Variants in GLRA2 observed in about 807,000 individuals in gnomAD.
The protein encoded by GLRA2 is glycine receptor subunit alpha-2.
GLRA2 carries 11 observed loss-of-function variants against 31.6 expected under a neutral mutation model. That is an observed-to-expected ratio of 0.35 (90% CI 0.22 to 0.58). The LOEUF (loss-of-function observed/expected upper bound fraction) is 0.58. Ranked by LOEUF, GLRA2 falls within the 20% of genes least tolerant of loss-of-function variation. The probability of loss-of-function intolerance (pLI) is 0.84; values close to 1 mark genes in which losing one functional copy is unlikely to be tolerated. For synonymous variants in GLRA2, 132 were observed against 134.0 expected (o/e 0.99, Z 0.10); for missense variants, 212 against 351.8 (o/e 0.60, Z 3.18).
the GLRA2 span, among the ~76,000 whole-genome samples, chrX:14,510,892 C>T: frequency 9.0e-6 from 1 of 110,965 alleles, no homozygotes; most frequent in Non-Finnish European, 1.9e-5. Flanking sequence ...ACATTCATCC[C>T]TCCTTTATAA....
intron 7 of GLRA2, among the ~76,000 whole-genome samples, chrX:14,680,240 T>C (rs189021002): frequency 7.6e-4 from 85 of 112,201 alleles, no homozygotes; most frequent in African/African-American, 2.7e-3. Flanking sequence ...AAATATAATC[T>C]GGGAAGTCCT....
intron 2 of GLRA2, among the ~76,000 whole-genome samples, chrX:14,540,272 A>T (rs1040846464): frequency 4.5e-5 from 5 of 111,454 alleles, no homozygotes; most frequent in Non-Finnish European, 9.4e-5. Flanking sequence ...CTATCAACAG[A>T]ACTGAAGAAG....
the GLRA2 span, among the ~76,000 whole-genome samples, chrX:14,518,771 G>C: frequency 1.0e-4 from 11 of 108,333 alleles, no homozygotes; most frequent in South Asian, 1.7e-3. Context: ...AGCACTTTGG[G>C]AGGCCACGGC....
chrX:14,497,139 T>C, the GLRA2 span, among the ~76,000 whole-genome samples: 1 of 111,406 alleles, frequency 9.0e-6, no homozygotes, highest in East Asian at 2.8e-4. Flanking sequence ...AGAGGAAAAA[T>C]AAAGTATAGG....
intron 7 of GLRA2, among the ~76,000 whole-genome samples, chrX:14,645,754 A>G (rs998148146): frequency 4.5e-5 from 5 of 112,007 alleles, no homozygotes; most frequent in Non-Finnish European, 9.4e-5. Flanking sequence ...AGTGAGATAG[A>G]TGTGCCTTGA....
chrX:14,701,705 A>AAAAC (rs1453834903), intron 8 of GLRA2, among the ~76,000 whole-genome samples: 2 of 112,969 alleles, frequency 1.8e-5, no homozygotes, highest in African/African-American at 3.2e-5. Flanking sequence ...TATTTGCAAT[A>AAAAC]AAACAGTTAA....
the GLRA2 span, among the ~76,000 whole-genome samples, chrX:14,503,104 G>A: frequency 9.0e-6 from 1 of 111,040 alleles, no homozygotes; most frequent in African/African-American, 3.3e-5. Flanking sequence ...AATAACTTTT[G>A]GCAAGTAAGT....
At chrX:14,632,731 A>G (rs1207102557) in intron 7 of GLRA2, among the ~76,000 whole-genome samples, 1 of 111,515 alleles carries the variant, frequency 9.0e-6, no homozygotes, top group Admixed American at 9.6e-5. Flanking sequence ...CTACATGTCA[A>G]CGAACCATTT....
intron 7 of GLRA2, among the ~76,000 whole-genome samples, chrX:14,684,815 C>T (rs968192729): frequency 9.0e-6 from 1 of 111,246 alleles, no homozygotes; most frequent in Non-Finnish European, 1.9e-5. Context: ...ATTTCCTTCT[C>T]CTGCCTGATT....
intron 7 of GLRA2, among the ~76,000 whole-genome samples, chrX:14,618,386 T>C (rs2090477404): frequency 8.9e-6 from 1 of 112,056 alleles, no homozygotes; most frequent in South Asian, 3.7e-4. Flanking sequence ...TGTGTTTGTA[T>C]ACATGCATGA....
intron 7 of GLRA2, among the ~76,000 whole-genome samples, chrX:14,653,318 A>G (rs1013821368): frequency 1.8e-5 from 2 of 112,089 alleles, no homozygotes; most frequent in Non-Finnish European, 3.8e-5. Context: ...CCTTCTGGAA[A>G]GGATTTACCA....
the GLRA2 span, among the ~76,000 whole-genome samples, chrX:14,518,655 A>ATGTGTGTGTGTG: frequency 1.8e-5 from 2 of 108,132 alleles, no homozygotes; most frequent in Admixed American, 9.9e-5. Flanking sequence ...GTGTGTGTGT[A>ATGTGTGTGTGTG]TGTGTGTGTG....
the GLRA2 span, among the ~76,000 whole-genome samples, chrX:14,461,100 C>A: frequency 8.9e-5 from 10 of 112,011 alleles, no homozygotes; most frequent in African/African-American, 2.9e-4. Flanking sequence ...TTATTTCTGC[C>A]TTCATTTCAT....
the GLRA2 span, among the ~76,000 whole-genome samples, chrX:14,483,941 T>A: frequency 1.8e-5 from 2 of 111,239 alleles, no homozygotes; most frequent in Admixed American, 9.6e-5. Context: ...CCTCCCAGCC[T>A]ACATCTTTCT....
chrX:14,560,797 CAAAAAA>C lies in GLRA2; in HGVS notation c.203-13516_203-13511del, dbSNP rs760583127. 2.2e-4 allele frequency among the ~76,000 whole-genome samples: 9 copies of C among 41,245 alleles called. No individual in the cohort carries two copies. In the East Asian group the frequency reaches 3.1e-3, roughly 14 times the overall value. The allele number at this position is 41,245 out of a possible 115,157, so 35.8% of individuals were successfully genotyped here. A position where few individuals can be genotyped will look rare whatever the true frequency, so the allele number is the denominator to read the frequency against. ...TGGGGGACAGAGAGAGACCCTGTCT[CAAAAAA>C]AAAAAAAAAAAAAAAAAAAGAATAA... On this transcript the variant is annotated intron_variant, in intron 2 of 8. Coordinates refer to ENST00000218075, the MANE Select transcript of GLRA2 (RefSeq NM_002063.4).
In GLRA2 at chrX:14,600,569, TTGTTTA is replaced by T. The variant is rs1185150308; in HGVS notation, c.495-3737_495-3732del. ...TGAATTGTAAATGGACAAATTATAGTTGTTTATGTTTATGGGGCACAAAGTGATGTT... is the reference window on the plus strand; with the variant it reads ...TGAATTGTAAATGGACAAATTATAGTTGTTTATGGGGCACAAAGTGATGTT... On this transcript the variant is annotated intron_variant, in intron 4 of 8. Transcript: ENST00000218075. Among the ~76,000 whole-genome samples the T allele has an allele frequency of 7.6e-4, 84 of 111,078 alleles. 1 individual carries two copies. The highest frequency in any genetic ancestry group is 2.6e-3 in the African/African-American group (81 of 30,722).
In GLRA2 at chrX:14,724,626, C is replaced by CAAAAAAAAAAA. The variant is rs758722703; in HGVS notation, c.1081-5565_1081-5555dup. 3.7e-3 allele frequency among the ~76,000 whole-genome samples: 185 copies of CAAAAAAAAAAA among 49,565 alleles called. 6 individuals carry two copies. The highest frequency in any genetic ancestry group is 0.012 in the East Asian group (6 of 521). 43.0% of individuals were successfully genotyped at this position (49,565 alleles called of 115,157 possible). A position where few individuals can be genotyped will look rare whatever the true frequency, so the allele number is the denominator to read the frequency against. On this transcript the variant is annotated intron_variant, in intron 8 of 8. Coordinates refer to ENST00000218075, the MANE Select transcript of GLRA2 (RefSeq NM_002063.4). ...GGGTGACAAAAGCAAAACTCTGTCTCAAAAAAAAAAAAAAAAAAAAAAAAA... is the reference window on the plus strand; with the variant it reads ...GGGTGACAAAAGCAAAACTCTGTCTCAAAAAAAAAAAAAAAAAAAAAAAAAAAAAAAAAAAA...
chrX:14,462,280 AT>A, the GLRA2 span, among the ~76,000 whole-genome samples: 45 of 108,744 alleles, frequency 4.1e-4, no homozygotes, highest in African/African-American at 1.5e-3. Flanking sequence ...TGCCCTTAAC[AT>A]TTTTTTTTCC....
the GLRA2 span, among the ~76,000 whole-genome samples, chrX:14,519,765 T>G: frequency 8.9e-6 from 1 of 111,990 alleles, no homozygotes; most frequent in Admixed American, 9.5e-5. Flanking sequence ...AATATTTATT[T>G]TCCTTATTTT....
Sources: gnomAD v4.1 joint callset for allele counts (sites outside exome capture counted in the v4.1 genomes callset) on GRCh38, gnomAD v4.1.1 for gene constraint, MANE v1.5 for transcripts, NCBI Gene and HGNC (gene_info 2026-07-23, HGNC 2026-07-21) for gene names.